Variants in RAB3C observed in about 807,000 individuals in gnomAD.
RAB3C encodes RAB3C, member RAS oncogene family, also known as ras-related protein Rab-3C.
Under a neutral mutation model 26.4 loss-of-function variants are expected in RAB3C, and 17 were observed. The ratio of observed to expected loss-of-function variants is 0.64; its 90% CI spans 0.44 to 0.97. The LOEUF is 0.97. Ranked by LOEUF, RAB3C falls within the 50% of genes least tolerant of loss-of-function variation. The probability of loss-of-function intolerance (pLI) is 0.00; values close to 1 mark genes in which losing one functional copy is unlikely to be tolerated. For synonymous variants in RAB3C, 91 were observed against 95.9 expected (o/e 0.95, Z 0.30); for missense variants, 242 against 281.9 (o/e 0.86, Z 1.01).
At chr5:58,761,553 G>T (rs963684564) in intron 3 of RAB3C, among the ~76,000 whole-genome samples, 1 of 152,086 alleles carries the variant, frequency 6.6e-6, no homozygotes, top group African/African-American at 2.4e-5. Flanking sequence ...AGAAAGCTTA[G>T]CTAAGCTTGT....
chr5:58,770,127 G>GA (rs1742001919), intron 3 of RAB3C, among the ~76,000 whole-genome samples: 1 of 152,118 alleles, frequency 6.6e-6, no homozygotes, highest in South Asian at 2.1e-4. Flanking sequence ...GTGAGAGTAG[G>GA]ATGCTTAATT....
At chr5:58,704,656 TA>T (rs1163315050) in intron 2 of RAB3C, among the ~76,000 whole-genome samples, 1 of 152,180 alleles carries the variant, frequency 6.6e-6, no homozygotes, top group Non-Finnish European at 1.5e-5. Flanking sequence ...TAAAAGGTCA[TA>T]AAAAACATGA....
At chr5:58,655,169 T>A (rs1747741514) in intron 2 of RAB3C, among the ~76,000 whole-genome samples, 1 of 152,226 alleles carries the variant, frequency 6.6e-6, no homozygotes, top group East Asian at 1.9e-4. Context: ...CATCTACAAC[T>A]TAAGTTCTCA....
At chr5:58,634,140 CAAA>C (rs34850062) in intron 2 of RAB3C, among the ~76,000 whole-genome samples, 1 of 136,070 alleles carries the variant, frequency 7.3e-6, no homozygotes. Context: ...GACTCCATCT[CAAA>C]AAAAAAAAAA....
At chr5:58,838,643 T>C (rs1428194646) in intron 4 of RAB3C, among the ~76,000 whole-genome samples, 2 of 107,980 alleles carry the variant, frequency 1.9e-5, no homozygotes, top group Non-Finnish European at 4.0e-5. Context: ...TTCTACATGC[T>C]GATGAAAAAA....
intron 3 of RAB3C, among the ~76,000 whole-genome samples, chr5:58,734,801 AAC>A (rs1201912540): frequency 6.6e-6 from 1 of 152,190 alleles, no homozygotes; most frequent in African/African-American, 2.4e-5. Context: ...CTGATTTCAA[AAC>A]ACAATCTATT....
chr5:58,759,022 G>T (rs1741735539), intron 3 of RAB3C, among the ~76,000 whole-genome samples: 1 of 152,102 alleles, frequency 6.6e-6, no homozygotes, highest in African/African-American at 2.4e-5. Flanking sequence ...GGATACAAAT[G>T]ATAACATAGC....
intron 3 of RAB3C, among the ~76,000 whole-genome samples, chr5:58,824,728 T>A (rs1743434613): frequency 6.6e-6 from 1 of 152,210 alleles, no homozygotes; most frequent in Non-Finnish European, 1.5e-5. Context: ...TTGGCTATCC[T>A]ACTGTAAAGC....
chr5:58,620,352 G>A (rs1746910010), intron 2 of RAB3C, among the ~76,000 whole-genome samples: 1 of 152,130 alleles, frequency 6.6e-6, no homozygotes, highest in South Asian at 2.1e-4. Flanking sequence ...TTATAATAGT[G>A]TATACAATAC....
chr5:58,854,205 T>C lies in RAB3C; in HGVS notation c.*2854T>C, dbSNP rs954932505. On this transcript the variant is annotated 3_prime_UTR_variant, in exon 5 of 5. Transcript: ENST00000282878. The stretch of plus-strand genomic sequence containing the variant: ...CATACTCCTGTTGGTTTGTAAGTTA[T>C]ACACATTTATCTCTTGTCTTTGATT... 5 of 152,210 alleles carry C rather than the reference T, an allele frequency of 3.3e-5. No individual in the cohort carries two copies. Among genetic ancestry groups the C allele is most frequent in the African/African-American group, 4.8e-5 (2 of 41,464 alleles). 9.4% of individuals were successfully genotyped at this position (152,210 alleles called of 1,614,324 possible). A position where few individuals can be genotyped will look rare whatever the true frequency, so the allele number is the denominator to read the frequency against.
chr5:58,827,569 CACACACA>C (rs1385180498), intron 4 of RAB3C, among the ~76,000 whole-genome samples: 2 of 134,784 alleles, frequency 1.5e-5, no homozygotes, highest in African/African-American at 5.0e-5. Flanking sequence ...TCGACTGGCA[CACACACA>C]AACCCTTTCC....
chr5:58,691,505 A>G (rs564285360), intron 2 of RAB3C, among the ~76,000 whole-genome samples: 1 of 25,820 alleles, frequency 3.9e-5, no homozygotes, highest in East Asian at 9.9e-4. Flanking sequence ...ACACTTTTAC[A>G]TCTTTAAATC....
chr5:58,777,917 C>T (rs899562577), intron 3 of RAB3C, among the ~76,000 whole-genome samples: 21 of 152,174 alleles, frequency 1.4e-4, no homozygotes, highest in African/African-American at 4.8e-5. Flanking sequence ...CTGCAAAGGA[C>T]ATGAACTCAT....
At chr5:58,641,727 C>T (rs1747416279) in intron 2 of RAB3C, among the ~76,000 whole-genome samples, 1 of 152,204 alleles carries the variant, frequency 6.6e-6, no homozygotes, top group African/African-American at 2.4e-5. Context: ...CCTTCAGCAC[C>T]ATCTAGGTGG....
At chr5:58,726,647 G>A (rs1740897515) in intron 3 of RAB3C, among the ~76,000 whole-genome samples, 1 of 151,900 alleles carries the variant, frequency 6.6e-6, no homozygotes, top group South Asian at 2.1e-4. Context: ...TATGAAAAAA[G>A]TTTATGGACC....
At chr5:58,767,187 A>G (rs549376083) in intron 3 of RAB3C, among the ~76,000 whole-genome samples, 1 of 152,332 alleles carries the variant, frequency 6.6e-6, no homozygotes, top group South Asian at 2.1e-4. Context: ...AGTTTCTACA[A>G]CAGGCCAACA....
chr5:58,632,686 A>G (rs1374950315), intron 2 of RAB3C, among the ~76,000 whole-genome samples: 5 of 152,148 alleles, frequency 3.3e-5, no homozygotes, highest in African/African-American at 9.7e-5. Context: ...CAGAGGGTAT[A>G]TGTGCCTGGA....
At chr5:58,588,365 G>A (rs1319212413) in intron 1 of RAB3C, among the ~76,000 whole-genome samples, 11 of 152,170 alleles carry the variant, frequency 7.2e-5, no homozygotes, top group Admixed American at 7.2e-4. Flanking sequence ...TCAACAGCAT[G>A]TAATGTCAGT....
At chr5:58,806,549 G>A (rs1421397174) in intron 3 of RAB3C, among the ~76,000 whole-genome samples, 1 of 152,186 alleles carries the variant, frequency 6.6e-6, no homozygotes, top group Non-Finnish European at 1.5e-5. Flanking sequence ...CCTTGGTTCT[G>A]TTAGAACTGA....
Sources: allele counts gnomAD v4.1 joint callset (sites outside exome capture counted in the v4.1 genomes callset), GRCh38; gene constraint gnomAD v4.1.1; transcripts MANE v1.5; gene names NCBI Gene and HGNC (gene_info 2026-07-23, HGNC 2026-07-21).